GFRA2: variants seen among roughly 807,000 people sequenced by gnomAD.
GFRA2 encodes the protein GDNF family receptor alpha 2.
Under a neutral mutation model 48.3 loss-of-function variants are expected in GFRA2, and 17 were observed. The ratio of observed to expected loss-of-function variants is 0.35; its 90% CI spans 0.24 to 0.53. The LOEUF is 0.53. GFRA2 is among the 20% of genes least tolerant of loss of function. The pLI is 0.93. For synonymous variants in GFRA2, 305 were observed against 257.2 expected (o/e 1.19, Z -1.78); for missense variants, 660 against 637.3 (o/e 1.04, Z -0.38).
chr8:21,693,888 C>T (rs1226175102), intron 8 of GFRA2, among the ~76,000 whole-genome samples: 3 of 65,346 alleles, frequency 4.6e-5, no homozygotes, highest in Non-Finnish European at 9.8e-5. Flanking sequence ...ATGAAGCCCT[C>T]CCTGAACATC....
At chr8:21,735,607 G>A (rs896004604) in intron 4 of GFRA2, among the ~76,000 whole-genome samples, 5 of 152,186 alleles carry the variant, frequency 3.3e-5, no homozygotes, top group Admixed American at 2.0e-4. Flanking sequence ...TTAAAGGCGA[G>A]GTTTCATAAG....
chr8:21,793,009 G>A (rs1013744116), upstream of GFRA2, among the ~76,000 whole-genome samples: 1 of 152,160 alleles, frequency 6.6e-6, no homozygotes, highest in Admixed American at 6.5e-5. Context: ...AGAGGTTGCG[G>A]TGAGTCGAGA....
In GFRA2 at chr8:21,811,068, C is replaced by G. The variant is rs577905616; in HGVS notation, c.-148+1163G>C. Among the ~76,000 whole-genome samples, 6 of 152,344 alleles carry G rather than the reference C, an allele frequency of 3.9e-5. No homozygotes were observed. The South Asian group carries it at 1.2e-3, about 32-fold the overall frequency. ...ACTGATCTCAAAAGCAGGCCTGTGG[C>G]TGGCCCCTCCTGGGCCCCAGGAGAG... is the stretch of plus-strand genomic sequence containing the variant. On this transcript the variant is annotated intron_variant, in intron 1 of 10. Transcript: ENST00000517328.
At chr8:21,701,881 A>T (rs1802497974) in intron 7 of GFRA2, among the ~76,000 whole-genome samples, 1 of 152,114 alleles carries the variant, frequency 6.6e-6, no homozygotes, top group Non-Finnish European at 1.5e-5. Context: ...GGGGTTCCCA[A>T]AGCCACGGCT....
At chr8:21,774,636 G>C (rs77847347) in intron 3 of GFRA2, among the ~76,000 whole-genome samples, 12,285 of 152,258 alleles carry the variant, frequency 0.081, 658 homozygotes, top group East Asian at 0.21. Context: ...ACTTGACAAA[G>C]TGGAAGAGCT....
chr8:21,782,944 A>T (rs1807084951), intron 1 of GFRA2, 45 bp from the exon 2 acceptor site: 2 of 1,502,526 alleles, frequency 1.3e-6, no homozygotes, highest in Admixed American at 2.0e-5. Flanking sequence ...CGGCCGCCAC[A>T]ATCTCCCACC....
intron 4 of GFRA2, among the ~76,000 whole-genome samples, chr8:21,721,692 G>A (rs924987938): frequency 1.3e-5 from 2 of 152,146 alleles, no homozygotes; most frequent in African/African-American, 4.8e-5. Context: ...TAAGAAAAAG[G>A]CAGTCCAATT....
intron 7 of GFRA2, among the ~76,000 whole-genome samples, chr8:21,699,232 G>A (rs1802353670): frequency 6.6e-6 from 1 of 152,228 alleles, no homozygotes; most frequent in African/African-American, 2.4e-5. Flanking sequence ...AGGTCCACAG[G>A]TCTGTGTGCT....
Position 21,795,228 on chromosome 8 carries a change from A to T in GFRA2, c.-35-7034T>A, listed in dbSNP as rs920445156. On this transcript the variant is annotated intron_variant, in intron 2 of 10. Transcript: ENST00000517328. ...GCCATCAAGACCACCTTATGTGACT[A>T]TTGTACTTCCCGGCTGTACAAAGCA... Among the ~76,000 whole-genome samples the T allele has an allele frequency of 3.3e-3, 502 of 152,262 alleles. 4 individuals are homozygous for T. Among genetic ancestry groups the T allele is most frequent in the African/African-American group, 0.012 (484 of 41,548 alleles).
At chr8:21,713,007 G>A (rs1424947345) in intron 4 of GFRA2, among the ~76,000 whole-genome samples, 2 of 151,056 alleles carry the variant, frequency 1.3e-5, no homozygotes, top group South Asian at 4.2e-4. Context: ...GAAAGAGGGA[G>A]AGGGAGACGA....
At position 21,692,439 on chromosome 8, in the gene GFRA2, C is replaced by T. The variant is rs1801920615; in HGVS notation, c.*839G>A. The stretch of plus-strand genomic sequence containing the variant: ...ACACACACCCGGCTGTGGTCTCTCC[C>T]CTCCCTCTCCCCAAAGGGAGGCCTG... On this transcript the variant is annotated 3_prime_UTR_variant, in exon 9 of 9. Transcript: ENST00000524240. 1 of 152,062 alleles carries T rather than the reference C, an allele frequency of 6.6e-6. No homozygotes were observed. Among genetic ancestry groups the T allele is most frequent in the Non-Finnish European group, 1.5e-5 (1 of 68,030 alleles). 9.4% of individuals were successfully genotyped at this position (152,062 alleles called of 1,614,324 possible). A position where few individuals can be genotyped will look rare whatever the true frequency, so the allele number is the denominator to read the frequency against.
intron 7 of GFRA2, among the ~76,000 whole-genome samples, chr8:21,699,693 C>G (rs1331497474): frequency 6.6e-6 from 1 of 152,242 alleles, no homozygotes; most frequent in Non-Finnish European, 1.5e-5. Context: ...ATTTTCACCT[C>G]TGCAGCTTCC....
At chr8:21,728,819 A>G (rs1377166343) in intron 4 of GFRA2, among the ~76,000 whole-genome samples, 2 of 152,232 alleles carry the variant, frequency 1.3e-5, no homozygotes, top group African/African-American at 2.4e-5. Flanking sequence ...TATAAAGGGT[A>G]CGTATGCACG....
At chr8:21,716,578 G>A (rs1803347481) in intron 4 of GFRA2, among the ~76,000 whole-genome samples, 2 of 152,178 alleles carry the variant, frequency 1.3e-5, no homozygotes, top group African/African-American at 4.8e-5. Context: ...CTGACACTCA[G>A]CAGAAAAGAC....
At chr8:21,721,265 C>A (rs1432029855) in intron 4 of GFRA2, among the ~76,000 whole-genome samples, 3 of 152,212 alleles carry the variant, frequency 2.0e-5, no homozygotes, top group Non-Finnish European at 4.4e-5. Flanking sequence ...CCTTTCCCCC[C>A]TTCCTCTTAT....
intron 7 of GFRA2, among the ~76,000 whole-genome samples, chr8:21,697,276 G>T (rs943768673): frequency 1.3e-5 from 2 of 150,820 alleles, no homozygotes; most frequent in Admixed American, 1.3e-4. Context: ...GGGGACAGAG[G>T]AACAGAAGAC....
intron 4 of GFRA2, among the ~76,000 whole-genome samples, chr8:21,709,573 C>G (rs1241709946): frequency 6.6e-6 from 1 of 152,198 alleles, no homozygotes; most frequent in African/African-American, 2.4e-5. Flanking sequence ...GAAACTCCAG[C>G]TAAGGGGCCG....
rs903192833 is a variant in GFRA2, at chr8:21,768,647, C to A, written c.439+6325G>T. 5.3e-5 allele frequency among the ~76,000 whole-genome samples: 8 copies of A among 152,238 alleles called. No homozygotes were observed. In the East Asian group the frequency reaches 1.5e-3, roughly 29 times the overall value. ...TCCCTAGACACCGGCCGAGCAAAGC[C>A]GGGCCCAATCCTCCCACAGCCCCCA... On this transcript the variant is annotated intron_variant, in intron 3 of 8. Coordinates refer to ENST00000524240, the MANE Select transcript of GFRA2 (RefSeq NM_001495.5).
chr8:21,695,685 C>T (rs1013884111), intron 7 of GFRA2, among the ~76,000 whole-genome samples: 1 of 152,126 alleles, frequency 6.6e-6, no homozygotes, highest in African/African-American at 2.4e-5. Flanking sequence ...AGACCCAAGG[C>T]CTGGACTCCA....
Sources: allele counts gnomAD v4.1 joint callset (sites outside exome capture counted in the v4.1 genomes callset), GRCh38; gene constraint gnomAD v4.1.1; transcripts MANE v1.5; gene names NCBI Gene and HGNC (gene_info 2026-07-23, HGNC 2026-07-21).